DLG4: variants seen among roughly 807,000 people sequenced by gnomAD.
The protein encoded by DLG4 is disks large homolog 4.
DLG4 carries 7 observed loss-of-function variants against 93.8 expected under a neutral mutation model. The ratio of observed to expected loss-of-function variants is 0.07; its 90% CI spans 0.04 to 0.14. The LOEUF is 0.14. DLG4 is among the 10% of genes least tolerant of loss of function. The probability of loss-of-function intolerance (pLI) is 1.00; values close to 1 mark genes in which losing one functional copy is unlikely to be tolerated. For missense variants in DLG4, 545 were observed against 992.9 expected (o/e 0.55, Z 6.06); for synonymous variants, 341 against 387.6 (o/e 0.88, Z 1.41).
intron 1 of DLG4, among the ~76,000 whole-genome samples, chr17:7,214,207 A>T (rs989072838): frequency 6.6e-6 from 1 of 151,874 alleles, no homozygotes; most frequent in Non-Finnish European, 1.5e-5. Context: ...CAACCCCCGG[A>T]TTCTCCTTTC....
rs934919111 is a variant in DLG4 at position 7,217,105 on chromosome 17, C to G, written c.30+13G>C. 6.2e-6 allele frequency: 8 copies of G among 1,288,106 alleles called. No individual in the cohort carries two copies. The highest frequency in any genetic ancestry group is 4.1e-5 in the Admixed American group (1 of 24,324). The allele number at this position is 1,288,106 out of a possible 1,614,324, so 79.8% of individuals were successfully genotyped here. A position where few individuals can be genotyped will look rare whatever the true frequency, so the allele number is the denominator to read the frequency against. ...ACCCTCCCCCCAGTTTATAGCCCCC[C>G]CATCATGCTTACCTTGGTTGTCACT... On this transcript the variant is annotated intron_variant, in intron 1 of 19. Transcript: ENST00000399506.
At position 7,208,149 on chromosome 17, in the gene DLG4, C is replaced by T. The variant is rs752483333; in HGVS notation, c.96+25G>A. 2.3e-6 allele frequency: 3 copies of T among 1,318,768 alleles called. No individual in the cohort carries two copies. Among genetic ancestry groups the T allele is most frequent in the Non-Finnish European group, 2.9e-6 (3 of 1,024,190 alleles). The allele number at this position is 1,318,768 out of a possible 1,614,324, so 81.7% of individuals were successfully genotyped here. A position where few individuals can be genotyped will look rare whatever the true frequency, so the allele number is the denominator to read the frequency against. On this transcript the variant is annotated intron_variant, in intron 2 of 19. Coordinates refer to ENST00000399506, the MANE Select transcript of DLG4 (RefSeq NM_001321075.3). This position sits in a 1 kb window ranked among gnomAD's most constrained non-coding sequence, Gnocchi z 5.4. ...AGGTGGGACAAGTTCCTCTCCGCCACGTGCACCAGCTCGGGGGCGTTTACC... is the reference window on the plus strand; with the variant it reads ...AGGTGGGACAAGTTCCTCTCCGCCATGTGCACCAGCTCGGGGGCGTTTACC...
intron 2 of DLG4, among the ~76,000 whole-genome samples, chr17:7,204,714 C>T (rs972136838): frequency 5.3e-5 from 8 of 151,922 alleles, no homozygotes; most frequent in African/African-American, 1.9e-4. Context: ...ATTTCCTGCC[C>T]CATCCCCCCA....
chr17:7,209,797 G>T (rs1233977113), intron 1 of DLG4, among the ~76,000 whole-genome samples: 1 of 152,050 alleles, frequency 6.6e-6, no homozygotes, highest in Non-Finnish European at 1.5e-5. Flanking sequence ...AGGAGCAGTG[G>T]CTGATGCTTA....
intron 1 of DLG4, among the ~76,000 whole-genome samples, chr17:7,212,947 G>C (rs112216599): frequency 0.11 from 16,078 of 152,118 alleles, 1,811 homozygotes; most frequent in African/African-American, 0.29. Context: ...GCAGGAGGAT[G>C]GCTTGAATCT....
At position 7,193,268 on chromosome 17, in the gene DLG4, G is replaced by A. The variant is rs756145639; in HGVS notation, c.1694-151C>T. On this transcript the variant is annotated intron_variant, in intron 16 of 19. Transcript: ENST00000399506. The surrounding 1 kb of genome is among the most constrained non-coding windows in gnomAD (Gnocchi z 6.7). ...ACCAAGACTGCAGAGGGCCAGAACCGCTTCCCCTAGCACCCTCCAGGGCCT... is the reference window on the plus strand; with the variant it reads ...ACCAAGACTGCAGAGGGCCAGAACCACTTCCCCTAGCACCCTCCAGGGCCT... 2.0e-5 allele frequency among the ~76,000 whole-genome samples: 3 copies of A among 152,032 alleles called. No individual in the cohort carries two copies. Among genetic ancestry groups the A allele is most frequent in the Admixed American group, 6.6e-5 (1 of 15,256 alleles).
At chr17:7,209,299 A>G (rs2070616923) in intron 1 of DLG4, among the ~76,000 whole-genome samples, 1 of 152,186 alleles carries the variant, frequency 6.6e-6, no homozygotes, top group African/African-American at 2.4e-5. Context: ...GCAGATGGAG[A>G]CAGCAGAAGA....
chr17:7,214,004 A>T (rs2070806980), intron 1 of DLG4: 1 of 373,444 alleles, frequency 2.7e-6, no homozygotes. Flanking sequence ...CATGGCCCAT[A>T]AAGACCCTTC....
In DLG4 at chr17:7,191,331, C is replaced by T. The variant is rs1193031198; in HGVS notation, c.2004G>A (p.Glu668=). ...VLEINKRITE[E]QARKAFDRAT... is the part of the protein sequence containing the mutation. ...CTCTGTCGAAGGCTTTGCGGGCTTG[C>T]TCCTCTGTGATCCGCTTGTTAATCT... Residue 668 remains glutamate, a synonymous_variant, in exon 19 of 20, where the codon GAG becomes GAA. Coordinates refer to ENST00000399506, the MANE Select transcript of DLG4 (RefSeq NM_001321075.3). This position sits in a 1 kb window ranked among gnomAD's most constrained non-coding sequence, Gnocchi z 6.6. 1 of 1,613,958 alleles carries T rather than the reference C, an allele frequency of 6.2e-7. No individual in the cohort carries two copies. Among genetic ancestry groups the T allele is most frequent in the Non-Finnish European group, 8.5e-7 (1 of 1,179,856 alleles).
Position 7,193,658 on chromosome 17 carries a change from A to G in DLG4, c.1591+9T>C. 6.5e-7 allele frequency: 1 copy of G among 1,545,074 alleles called. No homozygotes were observed. Among genetic ancestry groups the G allele is most frequent in the Non-Finnish European group, 8.7e-7 (1 of 1,146,928 alleles). ...AAGTGCTGGGGCCAAGGCAGGGGCCAGGGCTCACCTTCCATCTGCGTCACT... is the reference window on the plus strand; with the variant it reads ...AAGTGCTGGGGCCAAGGCAGGGGCCGGGGCTCACCTTCCATCTGCGTCACT... On this transcript the variant is annotated intron_variant, in intron 15 of 19. Transcript: ENST00000399506. The surrounding 1 kb of genome is among the most constrained non-coding windows in gnomAD (Gnocchi z 6.7).
At chr17:7,202,613 T>C (rs1335372818) in intron 8 of DLG4, 1 of 509,640 alleles carries the variant, frequency 2.0e-6, no homozygotes, top group Non-Finnish European at 3.5e-6. Flanking sequence ...TATCTTTTCC[T>C]GTACTCTGGA....
rs762229024 is a variant in DLG4, at chr17:7,208,285, A to G, written c.31-46T>C. ...GTCACTGGGGCCAGCCCGGTGCCTC[A>G]GGCTCCAGGCTGGCCGCCCTGGCCG... On this transcript the variant is annotated intron_variant, in intron 1 of 19. Coordinates refer to ENST00000399506, the MANE Select transcript of DLG4 (RefSeq NM_001321075.3). This position sits in a 1 kb window ranked among gnomAD's most constrained non-coding sequence, Gnocchi z 5.4. The G allele has an allele frequency of 3.1e-6, 4 of 1,307,378 alleles. No homozygotes were observed. The highest frequency in any genetic ancestry group is 3.9e-6 in the Non-Finnish European group (4 of 1,019,390). The allele number at this position is 1,307,378 out of a possible 1,614,324, so 81.0% of individuals were successfully genotyped here. A position where few individuals can be genotyped will look rare whatever the true frequency, so the allele number is the denominator to read the frequency against.
intron 8 of DLG4, among the ~76,000 whole-genome samples, chr17:7,200,388 C>T (rs1210205475): frequency 1.3e-5 from 2 of 152,120 alleles, no homozygotes; most frequent in East Asian, 1.9e-4. Flanking sequence ...TTGTCATTTT[C>T]TTCATACAAA....
rs2070990775 is a variant in DLG4, at chr17:7,217,617, G to T, written c.-470C>A. ...AGCCGTGGAGCCGAAGAGGGAAGGG[G>T]AGAGAGGAGGAGAGAGGAAGCAGGG... On this transcript the variant is annotated 5_prime_UTR_variant, in exon 1 of 20. Transcript: ENST00000399506. 1.5e-6 allele frequency: 2 copies of T among 1,370,370 alleles called. No homozygotes were observed. The highest frequency in any genetic ancestry group is 2.8e-5 in the East Asian group (1 of 35,242). 84.9% of individuals were successfully genotyped at this position (1,370,370 alleles called of 1,614,324 possible).
At chr17:7,218,439 G>A (rs1317768983), upstream of DLG4, 4 of 1,392,696 alleles carry the variant, frequency 2.9e-6, no homozygotes, top group South Asian at 1.2e-5. Context: ...ACCCTGCATG[G>A]TGCTCCAGCT....
At chr17:7,209,398 C>T (rs2070621365) in intron 1 of DLG4, among the ~76,000 whole-genome samples, 1 of 152,168 alleles carries the variant, frequency 6.6e-6, no homozygotes, top group Admixed American at 6.5e-5. Context: ...GAGACTGACC[C>T]TCCAAGCTCC....
At position 7,208,285 on chromosome 17, in the gene DLG4, AGGCTCCAGGCT is replaced by A; in HGVS notation, c.31-57_31-47del. On this transcript the variant is annotated intron_variant, in intron 1 of 19. Transcript: ENST00000399506. This position sits in a 1 kb window ranked among gnomAD's most constrained non-coding sequence, Gnocchi z 5.4. ...GTCACTGGGGCCAGCCCGGTGCCTC[AGGCTCCAGGCT>A]GGCCGCCCTGGCCGCCGCCTCTTCC... 1 of 1,307,378 alleles carries A rather than the reference AGGCTCCAGGCT, an allele frequency of 7.6e-7. No homozygotes were observed. Among genetic ancestry groups the A allele is most frequent in the Non-Finnish European group, 9.8e-7 (1 of 1,019,390 alleles). The allele number at this position is 1,307,378 out of a possible 1,614,324, so 81.0% of individuals were successfully genotyped here.
At chr17:7,219,977 A>G (rs1457295630), upstream of DLG4, 6 of 1,600,906 alleles carry the variant, frequency 3.7e-6, no homozygotes, top group East Asian at 1.3e-4. Flanking sequence ...GCCCGGAGAG[A>G]TTCGGAGATG....
At chr17:7,202,361 G>C (rs2070184902) in intron 8 of DLG4, among the ~76,000 whole-genome samples, 1 of 152,090 alleles carries the variant, frequency 6.6e-6, no homozygotes, top group Non-Finnish European at 1.5e-5. Flanking sequence ...ACCACACTTA[G>C]CCTCCCGTAA....
Sources: allele counts gnomAD v4.1 joint callset (sites outside exome capture counted in the v4.1 genomes callset), GRCh38; gene constraint gnomAD v4.1.1; non-coding constraint Gnocchi (gnomAD v3.1); transcripts MANE v1.5; gene names NCBI Gene and HGNC (gene_info 2026-07-23, HGNC 2026-07-21).